Variants in NR2C2 observed in about 807,000 individuals in gnomAD.
NR2C2 encodes nuclear receptor subfamily 2 group C member 2.
NR2C2 carries 6 observed loss-of-function variants against 62.9 expected under a neutral mutation model. The observed-to-expected ratio is 0.10, with a 90% CI of 0.05 to 0.19. The LOEUF is 0.19. NR2C2 is among the 10% of genes least tolerant of loss of function. NR2C2 has a pLI of 1.00. For synonymous variants in NR2C2, 272 were observed against 273.8 expected, an observed-to-expected ratio of 0.99 and a Z score of 0.07; for missense variants, 479 against 762.7, an observed-to-expected ratio of 0.63 and a Z score of 4.38.
At chr3:14,993,856 T>C (rs1248374743) in intron 1 of NR2C2, among the ~76,000 whole-genome samples, 3 of 152,214 alleles carry the variant, frequency 2.0e-5, no homozygotes. Context: ...AATTTGCAGA[T>C]GTATCCCTGA....
At chr3:14,990,950 A>G (rs148128040) in intron 1 of NR2C2, among the ~76,000 whole-genome samples, 79 of 152,330 alleles carry the variant, frequency 5.2e-4, no homozygotes, top group Non-Finnish European at 8.5e-4. Flanking sequence ...AGGTGGGGCA[A>G]AAGTTGTTTG....
rs1459906853 is a variant in NR2C2, at chr3:15,013,759, C to T, written c.243C>T (p.Thr81=). 4 of 1,614,112 alleles carry T rather than the reference C, an allele frequency of 2.5e-6. No individual in the cohort carries two copies. Among genetic ancestry groups the T allele is most frequent in the Admixed American group, 3.3e-5 (2 of 60,012 alleles). Residue 81 remains threonine, a synonymous_variant, in exon 3 of 14, where the codon ACC becomes ACT. Coordinates refer to ENST00000425241, the MANE Select transcript of NR2C2 (RefSeq NM_001291694.2). The stretch of plus-strand genomic sequence containing the variant: ...GCGCCAAGCAACTCATATTCACCAC[C>T]TCAGACAACCTCGTCCCTGGCAGGA... ...TSSAKQLIFT[T]SDNLVPGRIQ...
chr3:15,037,886 G>T, intron 11 of NR2C2, 114 bp from the exon 12 acceptor site: 1 of 1,156,554 alleles, frequency 8.6e-7, no homozygotes, highest in Non-Finnish European at 1.2e-6. Flanking sequence ...TGAGATTACT[G>T]ATTTTTCATT....
intron 2 of NR2C2, among the ~76,000 whole-genome samples, chr3:15,004,976 C>T (rs780603792): frequency 1.3e-5 from 2 of 151,628 alleles, no homozygotes; most frequent in African/African-American, 2.4e-5. Context: ...TGGTCTTGAA[C>T]TCCTGACCTC....
At chr3:14,956,548 T>A (rs917541631) in intron 1 of NR2C2, among the ~76,000 whole-genome samples, 1 of 152,178 alleles carries the variant, frequency 6.6e-6, no homozygotes, top group African/African-American at 2.4e-5. Context: ...TTTTATTATT[T>A]ATTTATTTTT....
intron 2 of NR2C2, among the ~76,000 whole-genome samples, chr3:15,006,803 T>C (rs1028169147): frequency 6.6e-6 from 1 of 151,878 alleles, no homozygotes; most frequent in Non-Finnish European, 1.5e-5. Flanking sequence ...TTAAAGGCAT[T>C]TCGCTCTTGT....
chr3:14,987,615 C>G (rs1458133458), intron 1 of NR2C2, among the ~76,000 whole-genome samples: 4 of 152,100 alleles, frequency 2.6e-5, no homozygotes, highest in African/African-American at 4.8e-5. Context: ...AATCTCCTTA[C>G]TCGTACTTGT....
rs1198644011 is a variant in NR2C2 at position 15,044,337 on chromosome 3, C to A, written c.*1329C>A. On this transcript the variant is annotated 3_prime_UTR_variant, in exon 14 of 14. Transcript: ENST00000425241. Reference sequence around the variant, plus strand: ...GTTCCCCCAGGTGTGTGCCAGCCGACCACCCCGGAGCATTTTAAATGCAGG... The same window carrying A: ...GTTCCCCCAGGTGTGTGCCAGCCGAACACCCCGGAGCATTTTAAATGCAGG... 2.6e-5 allele frequency: 4 copies of A among 152,182 alleles called. No individual in the cohort carries two copies. Among genetic ancestry groups the A allele is most frequent in the African/African-American group, 9.7e-5 (4 of 41,440 alleles). 9.4% of individuals were successfully genotyped at this position (152,182 alleles called of 1,614,324 possible).
At chr3:14,959,886 A>G (rs898838193) in intron 1 of NR2C2, among the ~76,000 whole-genome samples, 2 of 152,210 alleles carry the variant, frequency 1.3e-5, no homozygotes, top group African/African-American at 4.8e-5. Context: ...GGAAAAACAG[A>G]TATGGCAGAG....
At chr3:14,997,743 TTTAA>T (rs918257953) in intron 1 of NR2C2, among the ~76,000 whole-genome samples, 1 of 152,152 alleles carries the variant, frequency 6.6e-6, no homozygotes, top group Non-Finnish European at 1.5e-5. Flanking sequence ...GAAAAAAAAA[TTTAA>T]TAGCCCAGTA....
intron 1 of NR2C2, among the ~76,000 whole-genome samples, chr3:14,995,992 A>G (rs1324714856): frequency 6.6e-6 from 1 of 152,092 alleles, no homozygotes; most frequent in Non-Finnish European, 1.5e-5. Context: ...TGTCTGTTCA[A>G]TCCCTTTGCT....
chr3:15,004,619 T>G (rs745340136), intron 2 of NR2C2: 1 of 1,611,658 alleles, frequency 6.2e-7, no homozygotes, highest in Non-Finnish European at 8.5e-7. Flanking sequence ...AGAAGGTAGG[T>G]GTATCAAGCT....
intron 2 of NR2C2, among the ~76,000 whole-genome samples, chr3:15,005,228 C>G: frequency 6.6e-6 from 1 of 151,912 alleles, no homozygotes. Context: ...GCTCTGTCAC[C>G]CAGGCTGGAG....
intron 1 of NR2C2, 34 bp downstream of exon 1, chr3:14,947,940 C>A (rs1045475269): frequency 4.6e-5 from 7 of 151,092 alleles, no homozygotes; most frequent in African/African-American, 1.5e-4. Context: ...GGGCTCGGGC[C>A]GGCGGCGGAG....
chr3:14,982,342 A>T (rs2125332264), intron 1 of NR2C2, among the ~76,000 whole-genome samples: 1 of 152,270 alleles, frequency 6.6e-6, no homozygotes, highest in Admixed American at 6.5e-5. Context: ...CTAAATTTTT[A>T]AATTAGCTTG....
At chr3:14,954,547 A>AGTATTCTAATACT in intron 1 of NR2C2, among the ~76,000 whole-genome samples, 1 of 152,348 alleles carries the variant, frequency 6.6e-6, no homozygotes, top group South Asian at 2.1e-4. Flanking sequence ...ACTGTACGAC[A>AGTATTCTAATACT]GTGAAAATGG....
intron 1 of NR2C2, among the ~76,000 whole-genome samples, chr3:14,970,139 T>C (rs2039993919): frequency 6.6e-6 from 1 of 152,074 alleles, no homozygotes; most frequent in Admixed American, 6.5e-5. Context: ...CTCTTACCCT[T>C]TATCACCAAG....
At chr3:14,965,562 CAAAAT>C (rs2039822680) in intron 1 of NR2C2, among the ~76,000 whole-genome samples, 1 of 140,290 alleles carries the variant, frequency 7.1e-6, no homozygotes, top group Non-Finnish European at 1.5e-5. Context: ...TTTAGAGACT[CAAAAT>C]AATGAAAGTC....
intron 9 of NR2C2, 21 bp downstream of exon 9, chr3:15,030,473 C>A: frequency 6.4e-7 from 1 of 1,550,938 alleles, no homozygotes; most frequent in Admixed American, 2.1e-5. Flanking sequence ...TCAGCCTAAC[C>A]ATGTGCCCCC....
Sources: allele counts gnomAD v4.1 joint callset (sites outside exome capture counted in the v4.1 genomes callset), GRCh38; gene constraint gnomAD v4.1.1; transcripts MANE v1.5; gene names NCBI Gene and HGNC (gene_info 2026-07-23, HGNC 2026-07-21).